Variants in FKBP4 observed in about 807,000 individuals in gnomAD.
FKBP4 encodes the protein FKBP prolyl isomerase 4.
A neutral mutation model predicts 54.1 loss-of-function variants in FKBP4; 28 were observed. That is an observed-to-expected ratio of 0.52 (90% CI 0.38 to 0.71). The LOEUF (loss-of-function observed/expected upper bound fraction) is 0.71. FKBP4 is among the 30% of genes least tolerant of loss of function. FKBP4 has a pLI of 0.00. For synonymous variants in FKBP4, 223 were observed against 216.1 expected (o/e 1.03, Z -0.28); for missense variants, 493 against 574.4 (o/e 0.86, Z 1.45).
chr12:2,798,897 AC>A lies in FKBP4; in HGVS notation c.514+72del. On this transcript the variant is annotated intron_variant, in intron 4 of 9. Transcript: ENST00000001008. The surrounding 1 kb of genome is among the most constrained non-coding windows in gnomAD (Gnocchi z 4.3). ...GGCCTTGTGTGGCTTTGGGCAAGAC[AC>A]TTCCGTTCTCCGAGCCTATCTTCTT... The A allele has an allele frequency of 1.3e-6, 2 of 1,541,886 alleles. No individual in the cohort carries two copies. The highest frequency in any genetic ancestry group is 1.8e-6 in the Non-Finnish European group (2 of 1,119,296).
chr12:2,796,463 A>T, intron 1 of FKBP4: 1 of 1,242,408 alleles, frequency 8.0e-7, no homozygotes, highest in Non-Finnish European at 1.0e-6. Flanking sequence ...TTTCCCTTGG[A>T]GGGTAACCAC....
At position 2,798,570 on chromosome 12, in the gene FKBP4, T is replaced by C; in HGVS notation, c.394-136T>C. On this transcript the variant is annotated intron_variant, in intron 3 of 9. Coordinates refer to ENST00000001008, the MANE Select transcript of FKBP4 (RefSeq NM_002014.4). This position sits in a 1 kb window ranked among gnomAD's most constrained non-coding sequence, Gnocchi z 4.3. ...CAAGAACTGAAAAAAAGTGCCACTC[T>C]ACCCAACTCCTTGTGACTGCCCTTG... 2 of 1,452,348 alleles carry C rather than the reference T, an allele frequency of 1.4e-6. No individual in the cohort carries two copies. Among genetic ancestry groups the C allele is most frequent in the Non-Finnish European group, 1.9e-6 (2 of 1,063,766 alleles). 90.0% of individuals were successfully genotyped at this position (1,452,348 alleles called of 1,614,324 possible). A position where few individuals can be genotyped will look rare whatever the true frequency, so the allele number is the denominator to read the frequency against.
intron 9 of FKBP4, 152 bp downstream of exon 9, chr12:2,801,508 G>A: frequency 9.3e-7 from 1 of 1,080,698 alleles, no homozygotes. Context: ...TCCTGCTGTT[G>A]GGGCCAGTGT....
Position 2,799,839 on chromosome 12 carries a change from C to T in FKBP4, c.672-11C>T, listed in dbSNP as rs200319760. The T allele has an allele frequency of 3.6e-4, 588 of 1,611,930 alleles. No individual in the cohort carries two copies. The highest frequency in any genetic ancestry group is 3.3e-3 in the Middle Eastern group (18 of 5,476). ...TGCCAAGATGATACATAGTGTTTTT[C>T]ACCCCTCCAGCTATGCTTTTGGCAG... On this transcript the variant is annotated splice_polypyrimidine_tract_variant and intron_variant, in intron 5 of 9. Transcript: ENST00000001008.
At position 2,795,252 on chromosome 12, in the gene FKBP4, G is replaced by A. The variant is rs376892006; in HGVS notation, c.105+8G>A. ...GACGAAGGCGTGCTGAAGGTGAGGG[G>A]CGGCGGGGCCTGCGGAGGCGTCGGA... On this transcript the variant is annotated splice_region_variant and intron_variant, in intron 1 of 9. Transcript: ENST00000001008. This position sits in a 1 kb window ranked among gnomAD's most constrained non-coding sequence, Gnocchi z 4.3. The A allele has an allele frequency of 5.2e-5, 68 of 1,310,944 alleles. No individual in the cohort carries two copies. The highest frequency in any genetic ancestry group is 6.1e-5 in the Non-Finnish European group (62 of 1,020,554). 81.2% of individuals were successfully genotyped at this position (1,310,944 alleles called of 1,614,324 possible).
Position 2,798,648 on chromosome 12 carries a change from G to T in FKBP4, c.394-58G>T. On this transcript the variant is annotated intron_variant, in intron 3 of 9. Transcript: ENST00000001008. The surrounding 1 kb of genome is among the most constrained non-coding windows in gnomAD (Gnocchi z 4.3). ...GGGACTCTCTCGGATGAGAAAGATT[G>T]TGTTTCACTGCCCATGAGTTAGCAT... The T allele has an allele frequency of 1.2e-6, 2 of 1,610,208 alleles. No homozygotes were observed. Among genetic ancestry groups the T allele is most frequent in the Non-Finnish European group, 1.7e-6 (2 of 1,178,496 alleles).
Position 2,800,375 on chromosome 12 carries a change from C to T in FKBP4, c.847-17C>T, listed in dbSNP as rs759231013. The T allele has an allele frequency of 1.9e-6, 3 of 1,599,060 alleles. No individual in the cohort carries two copies. The highest frequency in any genetic ancestry group is 2.6e-6 in the Non-Finnish European group (3 of 1,172,532). ...ACTGAAACTGTGCCAGGTGCCTGAG[C>T]CTCTCTCCCATTCCAGGAAGGTAAA... is the stretch of plus-strand genomic sequence containing the variant. On this transcript the variant is annotated splice_polypyrimidine_tract_variant and intron_variant, in intron 7 of 9. Transcript: ENST00000001008.
chr12:2,803,315 C>A lies in FKBP4; in HGVS notation c.*57C>A. On this transcript the variant is annotated 3_prime_UTR_variant, in exon 10 of 10. Transcript: ENST00000001008. ...CCTGCCCCCCAGTCTCCCCACTCCACCCTGTTAGTTTTGTAAAAACTGAAG... is the reference window on the plus strand; with the variant it reads ...CCTGCCCCCCAGTCTCCCCACTCCAACCTGTTAGTTTTGTAAAAACTGAAG... The A allele has an allele frequency of 8.1e-7, 1 of 1,229,018 alleles. No individual in the cohort carries two copies. Among genetic ancestry groups the A allele is most frequent in the Non-Finnish European group, 1.2e-6 (1 of 865,688 alleles). The allele number at this position is 1,229,018 out of a possible 1,614,324, so 76.1% of individuals were successfully genotyped here. A position where few individuals can be genotyped will look rare whatever the true frequency, so the allele number is the denominator to read the frequency against.
chr12:2,796,207 C>G, intron 1 of FKBP4: 2 of 1,287,532 alleles, frequency 1.6e-6, no homozygotes, highest in Admixed American at 2.3e-5. Flanking sequence ...TCCGCGTGTG[C>G]GGCACCCACC....
chr12:2,795,861 C>A lies in FKBP4; in HGVS notation c.105+617C>A. On this transcript the variant is annotated intron_variant, in intron 1 of 9. Coordinates refer to ENST00000001008, the MANE Select transcript of FKBP4 (RefSeq NM_002014.4). The surrounding 1 kb of genome is among the most constrained non-coding windows in gnomAD (Gnocchi z 4.3). The stretch of plus-strand genomic sequence containing the variant: ...GCCGGGACCCAGCGAGGTCCCCACT[C>A]GCCGCGCGGCGCCCCCTCCCTCGGC... 1 of 771,420 alleles carries A rather than the reference C, an allele frequency of 1.3e-6. No homozygotes were observed. Among genetic ancestry groups the A allele is most frequent in the Non-Finnish European group, 1.6e-6 (1 of 633,200 alleles). 47.8% of individuals were successfully genotyped at this position (771,420 alleles called of 1,614,324 possible). A position where few individuals can be genotyped will look rare whatever the true frequency, so the allele number is the denominator to read the frequency against.
At chr12:2,802,430 A>C (rs996316343) in intron 9 of FKBP4, among the ~76,000 whole-genome samples, 3 of 152,142 alleles carry the variant, frequency 2.0e-5, no homozygotes, top group Non-Finnish European at 4.4e-5. Flanking sequence ...CACCACACCC[A>C]GCCAGTCTTA....
At chr12:2,800,843 T>TC (rs1224936431) in intron 8 of FKBP4, among the ~76,000 whole-genome samples, 2 of 152,240 alleles carry the variant, frequency 1.3e-5, no homozygotes, top group African/African-American at 4.8e-5. Context: ...TCTTAGCCTC[T>TC]CCGCTTACCT....
Position 2,795,986 on chromosome 12 carries a change from G to C in FKBP4, c.105+742G>C. On this transcript the variant is annotated intron_variant, in intron 1 of 9. Transcript: ENST00000001008. This position sits in a 1 kb window ranked among gnomAD's most constrained non-coding sequence, Gnocchi z 4.3. ...CTGCGGGGTGTGGGGCGGGGAGGAG[G>C]CGCTCTGCTGTGGAGCCTGCCGCCG... 9.2e-7 allele frequency: 1 copy of C among 1,088,264 alleles called. No homozygotes were observed. Among genetic ancestry groups the C allele is most frequent in the South Asian group, 2.3e-5 (1 of 44,278 alleles). The allele number at this position is 1,088,264 out of a possible 1,614,324, so 67.4% of individuals were successfully genotyped here. A position where few individuals can be genotyped will look rare whatever the true frequency, so the allele number is the denominator to read the frequency against.
chr12:2,801,451 C>G (rs149312843), intron 9 of FKBP4, 95 bp downstream of exon 9: 2 of 1,560,196 alleles, frequency 1.3e-6, no homozygotes, highest in Non-Finnish European at 1.8e-6. Context: ...GTGCCAATCC[C>G]GGAAACCAGA....
Position 2,801,201 on chromosome 12 carries a change from C to A in FKBP4, c.1117C>A (p.Arg373=), listed in dbSNP as rs767616167. Residue 373 remains arginine, a synonymous_variant, in exon 9 of 10, where the codon CGG becomes AGG. Coordinates refer to ENST00000001008, the MANE Select transcript of FKBP4 (RefSeq NM_002014.4). ...GGCCGTGAATGACTTTGAACTGGCA[C>A]GGGCTGATTTCCAGAAGGTCCTGCA... The part of the protein sequence containing the change: ...HLAVNDFELA[R]ADFQKVLQLY... 6.2e-7 allele frequency: 1 copy of A among 1,613,418 alleles called. No homozygotes were observed. The highest frequency in any genetic ancestry group is 8.5e-7 in the Non-Finnish European group (1 of 1,180,042).
chr12:2,801,590 A>C (rs2153920457), intron 9 of FKBP4: 1 of 633,668 alleles, frequency 1.6e-6, no homozygotes, highest in South Asian at 1.6e-5. Context: ...GTAATTCCCG[A>C]TTTATGTTTT....
chr12:2,801,212 C>G lies in FKBP4; in HGVS notation c.1128C>G (p.Phe376Leu). The G allele has an allele frequency of 6.2e-7, 1 of 1,613,374 alleles. No individual in the cohort carries two copies. The highest frequency in any genetic ancestry group is 8.5e-7 in the Non-Finnish European group (1 of 1,180,044). ...VNDFELARAD[F>L]QKVLQLYPNN... is the part of the protein sequence containing the mutation. ...ACTTTGAACTGGCACGGGCTGATTT[C>G]CAGAAGGTCCTGCAGCTCTACCCCA... The change falls in exon 9 of 10, where the codon TTC (phenylalanine) becomes TTG (leucine). Residue 376 changes from phenylalanine to leucine, a missense_variant. Phe to Leu is a conservative substitution (Grantham distance 22). Transcript: ENST00000001008.
rs2097901406 is a variant in FKBP4, at chr12:2,795,753, C to T, written c.105+509C>T. ...ACGGGCCAGGACGGGGAGCGACTCCCCACAGTGCTTTCCTGGCCCTTCGGC... is the reference window on the plus strand; with the variant it reads ...ACGGGCCAGGACGGGGAGCGACTCCTCACAGTGCTTTCCTGGCCCTTCGGC... On this transcript the variant is annotated intron_variant, in intron 1 of 9. Transcript: ENST00000001008. This position sits in a 1 kb window ranked among gnomAD's most constrained non-coding sequence, Gnocchi z 4.3. 1.8e-5 allele frequency: 3 copies of T among 162,396 alleles called. No individual in the cohort carries two copies. The highest frequency in any genetic ancestry group is 3.9e-5 in the Non-Finnish European group (3 of 77,526). 10.1% of individuals were successfully genotyped at this position (162,396 alleles called of 1,614,324 possible).
intron 5 of FKBP4, among the ~76,000 whole-genome samples, 194 bp downstream of exon 5, chr12:2,799,438 C>T (rs1318261539): frequency 2.6e-5 from 4 of 152,188 alleles, no homozygotes; most frequent in African/African-American, 9.7e-5. Context: ...CCAGTCTTTT[C>T]AGTCATAGTT....
Sources: allele counts gnomAD v4.1 joint callset (sites outside exome capture counted in the v4.1 genomes callset), GRCh38; gene constraint gnomAD v4.1.1; non-coding constraint Gnocchi (gnomAD v3.1); transcripts MANE v1.5; gene names NCBI Gene and HGNC (gene_info 2026-07-23, HGNC 2026-07-21).